The following SORCS1 variants were observed in gnomAD, a reference collection of about 807,000 sequenced individuals.
SORCS1 encodes the protein sortilin related VPS10 domain containing receptor 1, also known as VPS10 domain-containing receptor SorCS1.
A neutral mutation model predicts 146.1 loss-of-function variants in SORCS1; 60 were observed. The observed-to-expected ratio is 0.41, with a 90% CI of 0.33 to 0.51. SORCS1 has a LOEUF of 0.51. Ranked by LOEUF, SORCS1 falls within the 20% of genes least tolerant of loss-of-function variation. The probability of loss-of-function intolerance (pLI) is 0.21; values close to 1 mark genes in which losing one functional copy is unlikely to be tolerated. For missense variants in SORCS1, 1,352 were observed against 1,487.6 expected, an observed-to-expected ratio of 0.91 and a Z score of 1.50; for synonymous variants, 637 against 584.0, an observed-to-expected ratio of 1.09 and a Z score of -1.31.
At chr10:106,805,314 C>A (rs571755185) in intron 3 of SORCS1, among the ~76,000 whole-genome samples, 2 of 152,224 alleles carry the variant, frequency 1.3e-5, no homozygotes, top group East Asian at 3.9e-4. Flanking sequence ...GATTAACTTA[C>A]TCCTTGAAGA....
intron 3 of SORCS1, among the ~76,000 whole-genome samples, chr10:106,788,735 T>C (rs1000168961): frequency 2.0e-5 from 3 of 152,198 alleles, no homozygotes; most frequent in African/African-American, 7.2e-5. Flanking sequence ...GCTGCTTTCA[T>C]GGGCTGGTGT....
At chr10:106,722,158 T>TAA (rs1855832704) in intron 6 of SORCS1, among the ~76,000 whole-genome samples, 3 of 134,186 alleles carry the variant, frequency 2.2e-5, no homozygotes, top group Admixed American at 7.1e-5. Context: ...CATATATATA[T>TAA]AACAATAAAA....
chr10:107,157,975 CA>C (rs767650241), intron 1 of SORCS1, among the ~76,000 whole-genome samples: 2 of 152,176 alleles, frequency 1.3e-5, no homozygotes, highest in Non-Finnish European at 2.9e-5. Flanking sequence ...AAGACATACA[CA>C]AAAACAGGAC....
chr10:106,596,302 T>C (rs1845900468), intron 24 of SORCS1, among the ~76,000 whole-genome samples: 1 of 152,228 alleles, frequency 6.6e-6, no homozygotes, highest in Non-Finnish European at 1.5e-5. Context: ...TTTGTGAAGA[T>C]GAAGACCACT....
At chr10:106,972,209 C>T (rs900489206) in intron 1 of SORCS1, among the ~76,000 whole-genome samples, 9 of 151,854 alleles carry the variant, frequency 5.9e-5, no homozygotes, top group African/African-American at 1.9e-4. Context: ...TGGTGAAACC[C>T]TGTCTCTACT....
At chr10:107,148,035 A>C (rs1444287540) in intron 1 of SORCS1, among the ~76,000 whole-genome samples, 1 of 152,210 alleles carries the variant, frequency 6.6e-6, no homozygotes, top group Non-Finnish European at 1.5e-5. Flanking sequence ...TGAGTTTTTA[A>C]ACAGAGGCAG....
intron 1 of SORCS1, among the ~76,000 whole-genome samples, chr10:106,963,023 T>A (rs1297246106): frequency 6.7e-6 from 1 of 149,110 alleles, no homozygotes; most frequent in Non-Finnish European, 1.5e-5. Context: ...GGGAAGAGAA[T>A]AATAAGGAGC....
chr10:107,130,508 G>A (rs1214110703), intron 1 of SORCS1, among the ~76,000 whole-genome samples: 1 of 152,196 alleles, frequency 6.6e-6, no homozygotes, highest in Non-Finnish European at 1.5e-5. Context: ...AAGGCTGGGA[G>A]CAACTTATTT....
At chr10:106,727,102 A>G (rs1380416172) in intron 6 of SORCS1, among the ~76,000 whole-genome samples, 1 of 151,362 alleles carries the variant, frequency 6.6e-6, no homozygotes, top group Non-Finnish European at 1.5e-5. Flanking sequence ...AAAAAAAAAG[A>G]AAAAAGAAAT....
At chr10:107,055,736 A>G (rs1457528252) in intron 1 of SORCS1, among the ~76,000 whole-genome samples, 2 of 152,194 alleles carry the variant, frequency 1.3e-5, no homozygotes, top group Non-Finnish European at 2.9e-5. Flanking sequence ...TTTCTAATTA[A>G]CACCTGGAGT....
intron 6 of SORCS1, among the ~76,000 whole-genome samples, chr10:106,716,936 G>A (rs1316924088): frequency 6.6e-6 from 1 of 152,058 alleles, no homozygotes; most frequent in East Asian, 1.9e-4. Context: ...AGGAGTTTGC[G>A]ACCAGCCTGA....
intron 18 of SORCS1, among the ~76,000 whole-genome samples, chr10:106,650,127 G>C (rs1849749496): frequency 6.6e-6 from 1 of 152,036 alleles, no homozygotes; most frequent in African/African-American, 2.4e-5. Context: ...ATTTCTAAAT[G>C]CCCAACATTT....
intron 2 of SORCS1, among the ~76,000 whole-genome samples, chr10:106,945,965 C>T (rs1004636767): frequency 6.6e-6 from 1 of 152,164 alleles, no homozygotes; most frequent in African/African-American, 2.4e-5. Context: ...GGGGGCTGAA[C>T]AGGAATGCCT....
chr10:106,826,893 T>G (rs959692662), intron 3 of SORCS1, among the ~76,000 whole-genome samples: 25 of 152,234 alleles, frequency 1.6e-4, no homozygotes, highest in African/African-American at 6.0e-4. Flanking sequence ...CTTCTCTTTT[T>G]GTAGAACTAG....
chr10:106,810,759 C>T (rs1271538759), intron 3 of SORCS1, among the ~76,000 whole-genome samples: 1 of 152,112 alleles, frequency 6.6e-6, no homozygotes, highest in African/African-American at 2.4e-5. Context: ...CTGTGCTCTC[C>T]TAATGCACTC....
intron 1 of SORCS1, among the ~76,000 whole-genome samples, chr10:107,115,959 T>C (rs1348513471): frequency 6.6e-6 from 1 of 152,096 alleles, no homozygotes; most frequent in African/African-American, 2.4e-5. Context: ...GACATTTTTA[T>C]TCAAAGGAAA....
chr10:107,006,768 G>C (rs1219041866), intron 1 of SORCS1, among the ~76,000 whole-genome samples: 1 of 152,224 alleles, frequency 6.6e-6, no homozygotes, highest in Non-Finnish European at 1.5e-5. Flanking sequence ...AGTGAGCCGA[G>C]ATTGTGCCAC....
intron 1 of SORCS1, among the ~76,000 whole-genome samples, chr10:106,977,935 A>G (rs1011141696): frequency 2.0e-5 from 3 of 152,142 alleles, no homozygotes; most frequent in African/African-American, 7.2e-5. Flanking sequence ...AGTGCGCATG[A>G]TATGTTTGTG....
At chr10:106,984,727 C>T (rs953965153) in intron 1 of SORCS1, among the ~76,000 whole-genome samples, 2 of 152,042 alleles carry the variant, frequency 1.3e-5, no homozygotes, top group Non-Finnish European at 2.9e-5. Flanking sequence ...CTATTATCAC[C>T]ACCATTCATG....
Sources: allele counts gnomAD v4.1 joint callset (sites outside exome capture counted in the v4.1 genomes callset), GRCh38; gene constraint gnomAD v4.1.1; transcripts MANE v1.5; gene names NCBI Gene and HGNC (gene_info 2026-07-23, HGNC 2026-07-21).